TEC: variants seen among roughly 807,000 people sequenced by gnomAD.
The protein encoded by TEC is tec protein tyrosine kinase, also known as tyrosine-protein kinase Tec.
A neutral mutation model predicts 93.0 loss-of-function variants in TEC; 72 were observed. That is an observed-to-expected ratio of 0.77 (90% CI 0.64 to 0.94). TEC has a LOEUF of 0.94. TEC is among the 40% of genes least tolerant of loss of function. TEC has a pLI of 0.00. For synonymous variants in TEC, 249 were observed against 247.7 expected, an observed-to-expected ratio of 1.01 and a Z score of -0.05; for missense variants, 630 against 757.9, an observed-to-expected ratio of 0.83 and a Z score of 1.98.
chr4:48,252,746 C>T (rs1428687027), intron 1 of TEC, among the ~76,000 whole-genome samples: 4 of 152,162 alleles, frequency 2.6e-5, no homozygotes, highest in East Asian at 1.9e-4. Context: ...AATCATGTTC[C>T]TCAGAACACT....
intron 2 of TEC, among the ~76,000 whole-genome samples, chr4:48,207,665 G>A (rs1354967988): frequency 6.6e-6 from 1 of 150,954 alleles, no homozygotes; most frequent in Non-Finnish European, 1.5e-5. Flanking sequence ...GCACATGCCT[G>A]TAGTCCTAGC....
chr4:48,165,055 T>A (rs1720827315), intron 7 of TEC, among the ~76,000 whole-genome samples: 1 of 152,080 alleles, frequency 6.6e-6, no homozygotes. Context: ...TGTCAAATTG[T>A]AAGTTTGGCC....
chr4:48,147,816 A>G (rs1719983365), intron 11 of TEC, among the ~76,000 whole-genome samples: 1 of 152,224 alleles, frequency 6.6e-6, no homozygotes, highest in Non-Finnish European at 1.5e-5. Flanking sequence ...AATAATAGGT[A>G]GAAGTTATTG....
intron 14 of TEC, among the ~76,000 whole-genome samples, chr4:48,144,610 G>A (rs1719825621): frequency 6.6e-6 from 1 of 152,208 alleles, no homozygotes; most frequent in South Asian, 2.1e-4. Flanking sequence ...TGTTTTCCCA[G>A]TGATTTGAGA....
Position 48,138,765 on chromosome 4 carries a change from T to C in TEC, c.1712A>G (p.Asn571Ser), listed in dbSNP as rs1401001159. 2.5e-6 allele frequency: 4 copies of C among 1,614,162 alleles called. No individual in the cohort carries two copies. Among genetic ancestry groups the C allele is most frequent in the Admixed American group, 3.3e-5 (2 of 60,004 alleles). The stretch of plus-strand genomic sequence containing the variant: ...AGTAACCATGGTTACCACTTCATAA[T>C]TGGTGTATTTTTCAAAAGGCATTCT... ...EGRMPFEKYT[N>S]YEVVTMVTRG... is the part of the protein sequence containing the mutation. Residue 571 changes from asparagine (N) to serine (S), a missense_variant, in exon 17 of 18, where the codon AAT (asparagine) becomes AGT (serine). Physicochemically the swap from Asn to Ser is conservative, Grantham distance 46. This residue lies in a region of TEC where 289 missense variants were observed against 390.0 expected (regional missense o/e 0.74). Coordinates refer to ENST00000381501, the MANE Select transcript of TEC (RefSeq NM_003215.3).
chr4:48,160,125 G>A (rs112002166), intron 8 of TEC, among the ~76,000 whole-genome samples: 132 of 152,246 alleles, frequency 8.7e-4, no homozygotes, highest in African/African-American at 3.1e-3. Flanking sequence ...TATCACCACT[G>A]TTTTGCAAAT....
chr4:48,221,746 G>C (rs1411134340), intron 2 of TEC, among the ~76,000 whole-genome samples: 2 of 152,120 alleles, frequency 1.3e-5, no homozygotes, highest in African/African-American at 4.8e-5. Context: ...CTCCCTAGAG[G>C]TTGGAGGGTA....
chr4:48,233,846 C>T (rs1242341223), intron 1 of TEC, among the ~76,000 whole-genome samples: 3 of 145,984 alleles, frequency 2.1e-5, no homozygotes, highest in Non-Finnish European at 4.5e-5. Flanking sequence ...ACGCAGAAAA[C>T]ATAATGGAAT....
At position 48,137,326 on chromosome 4, in the gene TEC, T is replaced by C; in HGVS notation, c.*90A>G. The C allele has an allele frequency of 2.0e-6, 2 of 1,007,960 alleles. No individual in the cohort carries two copies. The allele number at this position is 1,007,960 out of a possible 1,614,324, so 62.4% of individuals were successfully genotyped here. A position where few individuals can be genotyped will look rare whatever the true frequency, so the allele number is the denominator to read the frequency against. On this transcript the variant is annotated 3_prime_UTR_variant, in exon 18 of 18. Coordinates refer to ENST00000381501, the MANE Select transcript of TEC (RefSeq NM_003215.3). ...TTTCCACTGTATAAGTAAAATGATC[T>C]ACATGTCCAAGTGCTCAATAAATTA...
At chr4:48,148,324 G>T (rs552688163) in intron 11 of TEC, among the ~76,000 whole-genome samples, 1 of 152,104 alleles carries the variant, frequency 6.6e-6, no homozygotes, top group Non-Finnish European at 1.5e-5. Context: ...TTTGCAAAGG[G>T]TGCCTTCAAT....
intron 7 of TEC, among the ~76,000 whole-genome samples, chr4:48,166,816 C>T (rs960083468): frequency 7.9e-5 from 12 of 151,594 alleles, no homozygotes; most frequent in African/African-American, 2.9e-4. Flanking sequence ...TAATAATGCA[C>T]AGCAAAACAG....
chr4:48,152,961 G>A (rs1480809750), intron 9 of TEC, among the ~76,000 whole-genome samples: 1 of 152,160 alleles, frequency 6.6e-6, no homozygotes, highest in African/African-American at 2.4e-5. Flanking sequence ...GAGAATTGTA[G>A]AGATCATCTT....
Position 48,141,348 on chromosome 4 carries a change from G to C in TEC, c.1535+7C>G. The C allele has an allele frequency of 6.2e-7, 1 of 1,612,404 alleles. No individual in the cohort carries two copies. The highest frequency in any genetic ancestry group is 8.5e-7 in the Non-Finnish European group (1 of 1,179,018). Reference sequence around the variant, plus strand: ...CATCACCTAAAACCACGTATACTTGGACATACCTGGCCATTCCAAAATCAG... The same window carrying C: ...CATCACCTAAAACCACGTATACTTGCACATACCTGGCCATTCCAAAATCAG... On this transcript the variant is annotated splice_region_variant and intron_variant, in intron 15 of 17. Coordinates refer to ENST00000381501, the MANE Select transcript of TEC (RefSeq NM_003215.3).
At chr4:48,161,161 G>A (rs1720641082) in intron 8 of TEC, among the ~76,000 whole-genome samples, 1 of 152,140 alleles carries the variant, frequency 6.6e-6, no homozygotes, top group South Asian at 2.1e-4. Flanking sequence ...GCTTCTTGGT[G>A]AGAATGGGTG....
chr4:48,151,957 T>C (rs1317568710), intron 9 of TEC, among the ~76,000 whole-genome samples: 1 of 152,196 alleles, frequency 6.6e-6, no homozygotes, highest in Non-Finnish European at 1.5e-5. Context: ...CCAGTAACAC[T>C]ACCATCAATC....
chr4:48,245,563 ATCAG>A (rs1724032447), intron 1 of TEC, among the ~76,000 whole-genome samples: 1 of 152,272 alleles, frequency 6.6e-6, no homozygotes, highest in Non-Finnish European at 1.5e-5. Flanking sequence ...AGTGCTTGCT[ATCAG>A]TATTACTGTT....
intron 2 of TEC, among the ~76,000 whole-genome samples, chr4:48,203,644 G>A (rs1722607264): frequency 6.6e-6 from 1 of 152,124 alleles, no homozygotes; most frequent in Admixed American, 6.5e-5. Flanking sequence ...CAGGGTGTCT[G>A]GGGCTCTGGA....
chr4:48,205,614 T>C (rs1722691186), intron 2 of TEC, among the ~76,000 whole-genome samples: 3 of 152,138 alleles, frequency 2.0e-5, no homozygotes, highest in Non-Finnish European at 4.4e-5. Context: ...CTCAATGGTA[T>C]TAGCCATAGG....
rs183819853 is a variant in TEC, at chr4:48,206,671, A to G, written c.138+21806T>C. Among the ~76,000 whole-genome samples, 151 of 149,468 alleles carry G rather than the reference A, an allele frequency of 1.0e-3. 3 individuals are homozygous for G. Among genetic ancestry groups the G allele is most frequent in the Admixed American group, 0.01 (150 of 14,890 alleles). The stretch of plus-strand genomic sequence containing the variant: ...AAATATGAAAAGTTGGCCAGGCGTG[A>G]TGGCTCACACTTGTAATCTCAGCAC... On this transcript the variant is annotated intron_variant, in intron 2 of 17. Coordinates refer to ENST00000381501, the MANE Select transcript of TEC (RefSeq NM_003215.3).
Sources: allele counts gnomAD v4.1 joint callset (sites outside exome capture counted in the v4.1 genomes callset), GRCh38; gene constraint gnomAD v4.1.1; regional missense constraint gnomAD v4.1.1; transcripts MANE v1.5; gene names NCBI Gene and HGNC (gene_info 2026-07-23, HGNC 2026-07-21).